Variants in ERCC6 observed in about 807,000 individuals in gnomAD.
The protein encoded by ERCC6 is DNA excision repair protein ERCC-6.
Under a neutral mutation model 158.7 loss-of-function variants are expected in ERCC6, and 116 were observed. The ratio of observed to expected loss-of-function variants is 0.73; its 90% CI spans 0.63 to 0.85. ERCC6 has a LOEUF of 0.85. Ranked by LOEUF, ERCC6 falls within the 40% of genes least tolerant of loss-of-function variation. The pLI, the probability that ERCC6 is intolerant of heterozygous loss-of-function variation, is 0.00. For missense variants in ERCC6, 1,698 were observed against 1,799.4 expected, an observed-to-expected ratio of 0.94 and a Z score of 1.02; for synonymous variants, 678 against 659.3, an observed-to-expected ratio of 1.03 and a Z score of -0.43.
intron 7 of ERCC6, among the ~76,000 whole-genome samples, chr10:49,494,041 G>A (rs993348335): frequency 1.3e-5 from 2 of 152,188 alleles, no homozygotes; most frequent in African/African-American, 2.4e-5. Flanking sequence ...ATACACACTG[G>A]AGCATTCTTT....
intron 10 of ERCC6, among the ~76,000 whole-genome samples, chr10:49,481,253 G>C (rs1850973757): frequency 6.6e-6 from 1 of 152,168 alleles, no homozygotes; most frequent in Admixed American, 6.5e-5. Flanking sequence ...TCTGGGTGAA[G>C]TGTTAAGAAG....
At chr10:49,538,523 G>A (rs575920705) in intron 1 of ERCC6, among the ~76,000 whole-genome samples, 9 of 152,174 alleles carry the variant, frequency 5.9e-5, no homozygotes, top group South Asian at 4.1e-4. Context: ...TGGAAGTCAC[G>A]TAACAGCAGC....
Position 49,458,434 on chromosome 10 carries a change from C to T in ERCC6, c.*381G>A. On this transcript the variant is annotated 3_prime_UTR_variant, in exon 21 of 21. Transcript: ENST00000355832. ...GAACAGGTCTGACTGAATGTAAGAC[C>T]TGTTTTTAGCACCAATAAAAAAAAA... The T allele has an allele frequency of 4.0e-6, 1 of 248,406 alleles. No individual in the cohort carries two copies. Among genetic ancestry groups the T allele is most frequent in the South Asian group, 5.1e-5 (1 of 19,512 alleles). The allele number at this position is 248,406 out of a possible 1,614,324, so 15.4% of individuals were successfully genotyped here. A position where few individuals can be genotyped will look rare whatever the true frequency, so the allele number is the denominator to read the frequency against.
chr10:49,504,825 T>C (rs1479702101), intron 6 of ERCC6: 1 of 152,158 alleles, frequency 6.6e-6, no homozygotes, highest in African/African-American at 2.4e-5. Context: ...ATCAAGTCAC[T>C]TCACATCTTT....
the ERCC6 span, among the ~76,000 whole-genome samples, chr10:49,447,893 A>G: frequency 1.3e-5 from 2 of 152,190 alleles, no homozygotes; most frequent in Non-Finnish European, 2.9e-5. Context: ...GTGGCTGAGT[A>G]ATATTCCACT....
At chr10:49,484,455 A>C (rs559967001) in intron 8 of ERCC6, among the ~76,000 whole-genome samples, 16 of 152,114 alleles carry the variant, frequency 1.1e-4, no homozygotes, top group African/African-American at 3.9e-4. Flanking sequence ...AATAAATAAA[A>C]ACAGCCAGGC....
the ERCC6 span, among the ~76,000 whole-genome samples, chr10:49,446,247 ACACACACACACC>A: frequency 9.1e-4 from 124 of 136,104 alleles, 1 homozygote; most frequent in South Asian, 0.013. Flanking sequence ...ACACACACAC[ACACACACACACC>A]CCCCAATTTA....
intron 8 of ERCC6, among the ~76,000 whole-genome samples, chr10:49,484,278 C>CA (rs60365716): frequency 0.12 from 11,518 of 95,556 alleles, 578 homozygotes; most frequent in Middle Eastern, 0.18. Flanking sequence ...GACTCTGCCT[C>CA]AAAAAAAAAA....
In ERCC6 at chr10:49,470,758, A is replaced by T. The variant is rs896621508; in HGVS notation, c.3202T>A (p.Ser1068Thr). The T allele has an allele frequency of 6.8e-6, 11 of 1,614,018 alleles. No homozygotes were observed. The highest frequency in any genetic ancestry group is 9.3e-6 in the Non-Finnish European group (11 of 1,180,044). Residue 1068 changes from serine to threonine, a missense_variant, in exon 18 of 21, where the codon TCA becomes ACA. Coordinates refer to ENST00000355832, the MANE Select transcript of ERCC6 (RefSeq NM_000124.4). ...TTAGCCTCAGATTTCTCTTCAGATG[A>T]TGTGGCATCATTTACAGATATGTTA... ...ASNISVNDAT[S>T]SEEKSEAKGA... is the part of the protein sequence containing the mutation.
At position 49,484,701 on chromosome 10, in the gene ERCC6, C is replaced by T. The variant is rs371106084; in HGVS notation, c.1822-1185G>A. Among the ~76,000 whole-genome samples the T allele has an allele frequency of 6.6e-5, 10 of 152,338 alleles. No individual in the cohort carries two copies. In the East Asian group the frequency reaches 1.5e-3, roughly 23 times the overall value. On this transcript the variant is annotated intron_variant, in intron 8 of 20. Transcript: ENST00000355832. Reference sequence around the variant, plus strand: ...TCTACAGTGAGCTATAATCTCACCACTGCATTCCAGGCTAGACAACGGCGC... The same window carrying T: ...TCTACAGTGAGCTATAATCTCACCATTGCATTCCAGGCTAGACAACGGCGC...
At chr10:49,443,460 C>A in the ERCC6 span, among the ~76,000 whole-genome samples, 1,632 of 152,326 alleles carry the variant, frequency 0.011, 61 homozygotes, top group South Asian at 0.086. Flanking sequence ...ATTCTTACCA[C>A]CTAGTACATC....
chr10:49,500,959 T>C (rs1315215039), intron 6 of ERCC6: 2 of 419,540 alleles, frequency 4.8e-6, no homozygotes, highest in East Asian at 4.5e-5. Flanking sequence ...TAGAGACTAT[T>C]TCCTTTCTTT....
At chr10:49,480,695 T>C (rs537959632) in intron 10 of ERCC6, among the ~76,000 whole-genome samples, 39 of 152,290 alleles carry the variant, frequency 2.6e-4, no homozygotes, top group African/African-American at 8.4e-4. Context: ...CTTAAAGTAA[T>C]CAGAGTTAAC....
rs1851444576 is a variant in ERCC6, at chr10:49,506,419, A to G, written c.1398-407T>C. 8 of 126,698 alleles carry G rather than the reference A, an allele frequency of 6.3e-5. No homozygotes were observed. In the South Asian group the frequency reaches 1.1e-3, roughly 17 times the overall value. The allele number at this position is 126,698 out of a possible 1,614,324, so 7.8% of individuals were successfully genotyped here. A position where few individuals can be genotyped will look rare whatever the true frequency, so the allele number is the denominator to read the frequency against. Reference sequence around the variant, plus strand: ...ACTATGTAACAAAAAATAGATTTATAATTACTATTTCTGTTCTAAAGATAT... The same window carrying G: ...ACTATGTAACAAAAAATAGATTTATGATTACTATTTCTGTTCTAAAGATAT... On this transcript the variant is annotated intron_variant, in intron 5 of 20. Transcript: ENST00000355832.
At chr10:49,480,593 T>C (rs529929528) in intron 10 of ERCC6, among the ~76,000 whole-genome samples, 13 of 152,328 alleles carry the variant, frequency 8.5e-5, no homozygotes, top group Middle Eastern at 3.4e-3. Context: ...CAGATCATAA[T>C]GACATGTTCT....
the ERCC6 span, among the ~76,000 whole-genome samples, chr10:49,446,674 A>T: frequency 6.6e-6 from 1 of 152,124 alleles, no homozygotes; most frequent in Non-Finnish European, 1.5e-5. Context: ...GCCTCTTGGG[A>T]GGCTGAGGCG....
chr10:49,513,392 A>C (rs1185130361), intron 5 of ERCC6, among the ~76,000 whole-genome samples: 1 of 152,230 alleles, frequency 6.6e-6, no homozygotes, highest in African/African-American at 2.4e-5. Context: ...ACTGACAGTG[A>C]TACTGGGTAC....
intron 18 of ERCC6, among the ~76,000 whole-genome samples, chr10:49,468,335 C>A (rs1850712738): frequency 6.6e-6 from 1 of 152,180 alleles, no homozygotes; most frequent in Admixed American, 6.5e-5. Context: ...AGAGGGTCTG[C>A]CTGGACTCCC....
At chr10:49,476,449 A>AACAAAGGGTG (rs1850879484) in intron 11 of ERCC6, 139 bp from the exon 12 acceptor site, 2 of 647,488 alleles carry the variant, frequency 3.1e-6, no homozygotes, top group South Asian at 3.5e-5. Context: ...ATATTAAAAC[A>AACAAAGGGTG]ACAAAGGGTG....
Sources: allele counts gnomAD v4.1 joint callset (sites outside exome capture counted in the v4.1 genomes callset), GRCh38; gene constraint gnomAD v4.1.1; transcripts MANE v1.5; gene names NCBI Gene and HGNC (gene_info 2026-07-23, HGNC 2026-07-21).